Variants in RTTN observed in about 807,000 individuals in gnomAD.
RTTN encodes rotatin.
Under a neutral mutation model 269.2 loss-of-function variants are expected in RTTN, and 182 were observed. The ratio of observed to expected loss-of-function variants is 0.68; its 90% CI spans 0.60 to 0.76. The LOEUF is 0.76. Among genes scored for constraint, RTTN ranks in the 30% least tolerant of loss-of-function variants. RTTN has a pLI of 0.00. For missense variants in RTTN, 2,545 were observed against 2,608.6 expected, an observed-to-expected ratio of 0.98 and a Z score of 0.53; for synonymous variants, 1,006 against 963.5, an observed-to-expected ratio of 1.04 and a Z score of -0.82.
At chr18:70,103,193 G>C (rs1191311392) in intron 28 of RTTN, among the ~76,000 whole-genome samples, 1 of 152,100 alleles carries the variant, frequency 6.6e-6, no homozygotes, top group Non-Finnish European at 1.5e-5. Flanking sequence ...GCCTCTGCCT[G>C]GCCGCTGTGC....
At chr18:70,175,045 C>CAAAAAAAAAAAAAAAAAAAAAAA (rs5825998) in intron 11 of RTTN, among the ~76,000 whole-genome samples, 2 of 86,826 alleles carry the variant, frequency 2.3e-5, no homozygotes, top group Non-Finnish European at 4.2e-5. Flanking sequence ...AAACCAAAAC[C>CAAAAAAAAAAAAAAAAAAAAAAA]AAAAAAAAAA....
At chr18:70,032,460 T>C (rs893708378) in intron 40 of RTTN, among the ~76,000 whole-genome samples, 2 of 151,754 alleles carry the variant, frequency 1.3e-5, no homozygotes, top group African/African-American at 2.4e-5. Flanking sequence ...ATGACACACA[T>C]AGGCTCAAAA....
At chr18:70,061,435 T>C in intron 35 of RTTN, 1 of 456,258 alleles carries the variant, frequency 2.2e-6, no homozygotes, top group South Asian at 1.5e-5. Context: ...AAGCAAGATT[T>C]GGGCACTAAA....
chr18:70,112,305 A>C (rs1004368163), intron 27 of RTTN, among the ~76,000 whole-genome samples: 1 of 152,116 alleles, frequency 6.6e-6, no homozygotes, highest in South Asian at 2.1e-4. Context: ...ACACATAACA[A>C]TATTAACCTT....
chr18:70,201,544 C>G (rs2061947630), intron 4 of RTTN, among the ~76,000 whole-genome samples: 1 of 123,568 alleles, frequency 8.1e-6, no homozygotes, highest in South Asian at 2.9e-4. Flanking sequence ...GGAGGCGGAG[C>G]TTGCAGTGAG....
Position 70,114,505 on chromosome 18 carries a change from T to G in RTTN, c.3623A>C (p.Gln1208Pro). The G allele has an allele frequency of 6.2e-7, 1 of 1,613,698 alleles. No homozygotes were observed. The highest frequency in any genetic ancestry group is 1.1e-5 in the South Asian group (1 of 91,046). ...DIRTAVRQQL[Q>P]KELIALFDTL... ...ATCAAAAAGAGCAATCAGTTCTTTC[T>G]GAAGTTGTTGCCTGACAGCAGTCCG... Residue 1208 changes from glutamine to proline, a missense_variant, in exon 27 of 49, where the codon CAG becomes CCG. Gln to Pro is a moderately conservative substitution (Grantham distance 76). Transcript: ENST00000640769.
chr18:70,205,650 C>G lies in RTTN; in HGVS notation c.9G>C (p.Leu3=). ...TACCGAGTTTCCTGATGAGCCCTGCCAGGACCATCTCGTCCCGTCAATCTG... is the reference window on the plus strand; with the variant it reads ...TACCGAGTTTCCTGATGAGCCCTGCGAGGACCATCTCGTCCCGTCAATCTG... MV[L]AGLIRKLGHQ... Residue 3 remains leucine, a synonymous_variant, in exon 1 of 49, where the codon CTG becomes CTC. Transcript: ENST00000640769. 6.2e-7 allele frequency: 1 copy of G among 1,614,120 alleles called. No individual in the cohort carries two copies. The highest frequency in any genetic ancestry group is 8.5e-7 in the Non-Finnish European group (1 of 1,180,012).
chr18:70,174,730 GAATA>G (rs2061242577), intron 11 of RTTN, among the ~76,000 whole-genome samples: 1 of 150,504 alleles, frequency 6.6e-6, no homozygotes, highest in African/African-American at 2.4e-5. Flanking sequence ...AAAAAAAAGA[GAATA>G]AACAGGCCAG....
chr18:70,184,148 A>G (rs892009716), intron 10 of RTTN, among the ~76,000 whole-genome samples: 2 of 152,264 alleles, frequency 1.3e-5, no homozygotes. Flanking sequence ...CATATCAAAT[A>G]TTAAGATCCA....
chr18:70,140,245 G>A (rs915942461), intron 19 of RTTN, 57 bp from the exon 20 acceptor site: 23 of 976,308 alleles, frequency 2.4e-5, no homozygotes, highest in African/African-American at 6.5e-5. Context: ...TTTAAAACAC[G>A]TATTTTGAAA....
intron 40 of RTTN, among the ~76,000 whole-genome samples, chr18:70,032,363 GA>G (rs2057040666): frequency 6.6e-6 from 1 of 152,166 alleles, no homozygotes; most frequent in Admixed American, 6.5e-5. Context: ...CTAGCAGAGT[GA>G]CCCCAGTGGA....
chr18:70,205,509 G>T, intron 1 of RTTN, 119 bp downstream of exon 1: 1 of 1,426,732 alleles, frequency 7.0e-7, no homozygotes, highest in Non-Finnish European at 9.9e-7. Context: ...TCCTGACAAA[G>T]CGGGGGTGAA....
At position 70,088,085 on chromosome 18, in the gene RTTN, G is replaced by A. The variant is rs760165558; in HGVS notation, c.4206C>T (p.Ala1402=). The change falls in exon 31 of 49, where the codon GCC becomes GCT. Residue 1402 remains alanine, a synonymous_variant. Transcript: ENST00000640769. ...ALTTLETGCV[A]LANSCQNISG... ...AAATGTTCTGACAACTGTTTGCTAA[G>A]GCCACACAGCCCGTTTCAAGGGTGG... is the stretch of plus-strand genomic sequence containing the variant. 5 of 1,613,918 alleles carry A rather than the reference G, an allele frequency of 3.1e-6. No homozygotes were observed. The highest frequency in any genetic ancestry group is 4.2e-6 in the Non-Finnish European group (5 of 1,179,910).
At chr18:70,044,207 C>A (rs1400455828) in intron 40 of RTTN, among the ~76,000 whole-genome samples, 1 of 152,194 alleles carries the variant, frequency 6.6e-6, no homozygotes, top group African/African-American at 2.4e-5. Flanking sequence ...TATAAGCCTT[C>A]CTTTCAACAG....
chr18:70,024,595 C>A, intron 44 of RTTN, 127 bp downstream of exon 44: 1 of 836,208 alleles, frequency 1.2e-6, no homozygotes, highest in East Asian at 2.7e-5. Context: ...TTGCCTTTGC[C>A]CATCATATCC....
intron 28 of RTTN, among the ~76,000 whole-genome samples, chr18:70,105,876 AT>A (rs1250037120): frequency 6.6e-6 from 1 of 152,152 alleles, no homozygotes; most frequent in East Asian, 1.9e-4. Flanking sequence ...TTCAAACTGT[AT>A]CTTAATTTAA....
At position 70,167,803 on chromosome 18, in the gene RTTN, G is replaced by C. The variant is rs144624452; in HGVS notation, c.1690-772C>G. ...AGACAGTGGTACTAACATGGCAAAA[G>C]GAAAGGGGAAAAAAAACAAACTACA... On this transcript the variant is annotated intron_variant, in intron 12 of 48. Transcript: ENST00000640769. Among the ~76,000 whole-genome samples, 6 of 151,666 alleles carry C rather than the reference G, an allele frequency of 4.0e-5. No homozygotes were observed. The South Asian group carries it at 1.3e-3, about 32-fold the overall frequency.
At chr18:70,098,649 AT>A (rs1264718908) in intron 28 of RTTN, among the ~76,000 whole-genome samples, 1 of 152,042 alleles carries the variant, frequency 6.6e-6, no homozygotes, top group Non-Finnish European at 1.5e-5. Context: ...AGTTTATTTT[AT>A]TTTTTTAATA....
At chr18:70,120,409 CACAA>C (rs2059706440) in intron 26 of RTTN, among the ~76,000 whole-genome samples, 1 of 152,140 alleles carries the variant, frequency 6.6e-6, no homozygotes, top group Non-Finnish European at 1.5e-5. Context: ...TTTATATACA[CACAA>C]ACATTCATAT....
Sources: gnomAD v4.1 joint callset for allele counts (sites outside exome capture counted in the v4.1 genomes callset) on GRCh38, gnomAD v4.1.1 for gene constraint, MANE v1.5 for transcripts, NCBI Gene and HGNC (gene_info 2026-07-23, HGNC 2026-07-21) for gene names.